Variants in CLSTN2 observed in about 807,000 individuals in gnomAD.
CLSTN2 encodes calsyntenin 2, also known as calsyntenin-2.
CLSTN2 carries 48 observed loss-of-function variants against 101.2 expected under a neutral mutation model. The observed-to-expected ratio is 0.47, with a 90% CI of 0.38 to 0.60. The LOEUF is 0.60. Among genes scored for constraint, CLSTN2 ranks in the 20% least tolerant of loss-of-function variants. The probability of loss-of-function intolerance (pLI) is 0.00; values close to 1 mark genes in which losing one functional copy is unlikely to be tolerated. For missense variants in CLSTN2, 1,160 were observed against 1,238.2 expected, an observed-to-expected ratio of 0.94 and a Z score of 0.95; for synonymous variants, 481 against 463.6, an observed-to-expected ratio of 1.04 and a Z score of -0.48.
At chr3:140,200,435 G>A (rs1241665781) in intron 2 of CLSTN2, among the ~76,000 whole-genome samples, 1 of 152,090 alleles carries the variant, frequency 6.6e-6, no homozygotes, top group African/African-American at 2.4e-5. Flanking sequence ...GAGTCAGTAT[G>A]CCTGTCAGTC....
chr3:140,253,033 T>C (rs569148940), intron 2 of CLSTN2, among the ~76,000 whole-genome samples: 1 of 152,276 alleles, frequency 6.6e-6, no homozygotes, highest in African/African-American at 2.4e-5. Flanking sequence ...CAAATGTGCA[T>C]GTGTACCTAA....
At chr3:140,380,856 G>C (rs2087973505) in intron 2 of CLSTN2, among the ~76,000 whole-genome samples, 1 of 152,196 alleles carries the variant, frequency 6.6e-6, no homozygotes, top group Non-Finnish European at 1.5e-5. Context: ...TTATGCGCAG[G>C]ACCAAGGTGG....
intron 2 of CLSTN2, among the ~76,000 whole-genome samples, chr3:140,278,334 C>G (rs985143861): frequency 8.5e-6 from 1 of 117,106 alleles, no homozygotes; most frequent in Non-Finnish European, 1.8e-5. Context: ...GTGCTTTTTG[C>G]TATTTTTCTC....
chr3:140,297,657 G>A (rs2087016418), intron 2 of CLSTN2, among the ~76,000 whole-genome samples: 1 of 152,158 alleles, frequency 6.6e-6, no homozygotes, highest in South Asian at 2.1e-4. Context: ...ATAAAAATGG[G>A]TATAGGGCTG....
intron 2 of CLSTN2, among the ~76,000 whole-genome samples, chr3:140,222,561 T>C (rs769047087): frequency 2.0e-5 from 3 of 152,198 alleles, no homozygotes; most frequent in African/African-American, 7.2e-5. Context: ...TGCATGCTTA[T>C]ATCAAAACAT....
At chr3:140,558,922 A>T in intron 12 of CLSTN2, 65 bp downstream of exon 12, 1 of 1,279,994 alleles carries the variant, frequency 7.8e-7, no homozygotes, top group East Asian at 2.4e-5. Context: ...GTGAAAACAT[A>T]CTTCAGAACA....
chr3:140,370,484 G>A (rs1323726803), intron 2 of CLSTN2, among the ~76,000 whole-genome samples: 1 of 152,112 alleles, frequency 6.6e-6, no homozygotes, highest in Admixed American at 6.5e-5. Context: ...GGAGAGGGAG[G>A]GAGGGAGAGA....
At chr3:140,073,121 A>G (rs752816929) in intron 1 of CLSTN2, among the ~76,000 whole-genome samples, 7 of 152,364 alleles carry the variant, frequency 4.6e-5, no homozygotes, top group Non-Finnish European at 7.3e-5. Flanking sequence ...GGCCACCCAG[A>G]TGATCCAAAA....
At chr3:140,341,741 T>C (rs1440832044) in intron 2 of CLSTN2, among the ~76,000 whole-genome samples, 1 of 152,196 alleles carries the variant, frequency 6.6e-6, no homozygotes, top group African/African-American at 2.4e-5. Context: ...AAGAAGTTAG[T>C]CTGCGATACA....
At chr3:140,026,266 G>T (rs938136878) in intron 1 of CLSTN2, among the ~76,000 whole-genome samples, 1 of 152,126 alleles carries the variant, frequency 6.6e-6, no homozygotes, top group African/African-American at 2.4e-5. Flanking sequence ...TTTGTTGGGG[G>T]GAAAGTGCCG....
intron 1 of CLSTN2, among the ~76,000 whole-genome samples, chr3:139,936,937 T>A (rs1935032776): frequency 6.6e-6 from 1 of 152,204 alleles, no homozygotes; most frequent in African/African-American, 2.4e-5. Context: ...GAAAAACTCG[T>A]TATGAAAATA....
intron 8 of CLSTN2, among the ~76,000 whole-genome samples, chr3:140,490,400 C>T (rs956462056): frequency 3.2e-4 from 48 of 151,204 alleles, no homozygotes; most frequent in Middle Eastern, 3.4e-3. Context: ...GGCAACACTG[C>T]GGAATCATTT....
At chr3:139,979,873 C>G (rs1451123179) in intron 1 of CLSTN2, among the ~76,000 whole-genome samples, 1 of 152,054 alleles carries the variant, frequency 6.6e-6, no homozygotes, top group Non-Finnish European at 1.5e-5. Flanking sequence ...TCTTCCCCCT[C>G]GCCTAGTGTT....
chr3:140,243,681 G>T (rs970821906), intron 2 of CLSTN2, among the ~76,000 whole-genome samples: 2 of 152,210 alleles, frequency 1.3e-5, no homozygotes, highest in Admixed American at 1.3e-4. Context: ...AGCAAGGAGA[G>T]CTTACAGTCT....
intron 1 of CLSTN2, among the ~76,000 whole-genome samples, chr3:140,036,411 C>T (rs2007653307): frequency 1.3e-5 from 2 of 152,148 alleles, no homozygotes; most frequent in South Asian, 4.1e-4. Context: ...CCCCCTCGGC[C>T]TTGTGAAGTG....
intron 2 of CLSTN2, among the ~76,000 whole-genome samples, chr3:140,384,731 C>T (rs756214516): frequency 2.6e-5 from 4 of 152,282 alleles, no homozygotes; most frequent in Admixed American, 2.6e-4. Flanking sequence ...TAAAAGAGTC[C>T]ATATACTCCT....
chr3:140,063,734 G>C (rs1006532415), intron 1 of CLSTN2, among the ~76,000 whole-genome samples: 5 of 152,056 alleles, frequency 3.3e-5, no homozygotes, highest in Non-Finnish European at 7.4e-5. Context: ...TCAGTATCTT[G>C]TCACCCTTTT....
intron 4 of CLSTN2, among the ~76,000 whole-genome samples, chr3:140,410,694 CTT>C (rs1252448007): frequency 6.6e-6 from 1 of 152,072 alleles, no homozygotes; most frequent in Non-Finnish European, 1.5e-5. Flanking sequence ...ATGTAAATCA[CTT>C]ATAATTCTAA....
chr3:140,412,405 T>C (rs2088375555), intron 4 of CLSTN2, among the ~76,000 whole-genome samples: 1 of 152,176 alleles, frequency 6.6e-6, no homozygotes, highest in Non-Finnish European at 1.5e-5. Context: ...CTGTGGCATA[T>C]CTGAACAGTC....
Sources: gnomAD v4.1 joint callset for allele counts (sites outside exome capture counted in the v4.1 genomes callset) on GRCh38, gnomAD v4.1.1 for gene constraint, MANE v1.5 for transcripts, NCBI Gene and HGNC (gene_info 2026-07-23, HGNC 2026-07-21) for gene names.